The following NECTIN3 variants were observed in gnomAD, a reference collection of about 807,000 sequenced individuals.
NECTIN3 encodes the protein nectin cell adhesion molecule 3, also known as nectin-3.
A neutral mutation model predicts 49.4 loss-of-function variants in NECTIN3; 8 were observed. That is an observed-to-expected ratio of 0.16 (90% CI 0.10 to 0.29). The LOEUF (loss-of-function observed/expected upper bound fraction) is 0.29. NECTIN3 is among the 10% of genes least tolerant of loss of function. NECTIN3 has a pLI of 1.00. For synonymous variants in NECTIN3, 277 were observed against 241.1 expected (o/e 1.15, Z -1.38); for missense variants, 581 against 654.6 (o/e 0.89, Z 1.23).
chr3:111,107,168 C>A (rs1024895642), intron 1 of NECTIN3, among the ~76,000 whole-genome samples: 1 of 151,830 alleles, frequency 6.6e-6, no homozygotes, highest in Non-Finnish European at 1.5e-5. Flanking sequence ...ATTACATTTT[C>A]TTTTCTGTCA....
chr3:111,192,547 A>G, intron 1 of NECTIN3: 4 of 901,218 alleles, frequency 4.4e-6, no homozygotes, highest in Non-Finnish European at 6.6e-6. Context: ...AAGATCTGGT[A>G]GTCCTTGAAT....
chr3:111,103,012 C>G (rs539949028), intron 1 of NECTIN3, among the ~76,000 whole-genome samples: 33 of 152,258 alleles, frequency 2.2e-4, no homozygotes, highest in African/African-American at 7.2e-4. Flanking sequence ...ACTGACCTGT[C>G]TATTCTTTAG....
rs1483291330 is a variant in NECTIN3 at position 111,134,480 on chromosome 3, G to T, written c.*265G>T. On this transcript the variant is annotated 3_prime_UTR_variant, in exon 6 of 6. Coordinates refer to ENST00000485303, the MANE Select transcript of NECTIN3 (RefSeq NM_015480.3). ...TACTTTATTGGTGTGAGGCACACAG[G>T]TAAGAAGAAATGTCAACATTAAATG... 1 of 1,081,138 alleles carries T rather than the reference G, an allele frequency of 9.2e-7. No homozygotes were observed. 67.0% of individuals were successfully genotyped at this position (1,081,138 alleles called of 1,614,324 possible).
upstream of NECTIN3, among the ~76,000 whole-genome samples, chr3:111,189,463 T>A (rs1352458576): frequency 1.3e-5 from 2 of 151,910 alleles, no homozygotes; most frequent in African/African-American, 4.8e-5. Context: ...GATACCACTT[T>A]AAAAAAAATG....
At chr3:111,153,769 G>A (rs1307679454) in intron 7 of NECTIN3, among the ~76,000 whole-genome samples, 2 of 151,874 alleles carry the variant, frequency 1.3e-5, no homozygotes, top group African/African-American at 4.8e-5. Flanking sequence ...AATGAAACTA[G>A]AATATATGGA....
chr3:111,087,687 A>T (rs1368145241), intron 1 of NECTIN3, among the ~76,000 whole-genome samples: 2 of 151,872 alleles, frequency 1.3e-5, no homozygotes, highest in African/African-American at 4.8e-5. Flanking sequence ...CCTTTTAAAA[A>T]TTTAATTTTT....
At chr3:111,093,208 T>C (rs985333503) in intron 1 of NECTIN3, among the ~76,000 whole-genome samples, 3 of 152,080 alleles carry the variant, frequency 2.0e-5, no homozygotes, top group African/African-American at 7.2e-5. Flanking sequence ...ATCTTTTCAG[T>C]CCCCTCTCCC....
chr3:111,073,938 A>G (rs1251283584), intron 1 of NECTIN3, among the ~76,000 whole-genome samples: 4 of 151,108 alleles, frequency 2.6e-5, no homozygotes, highest in African/African-American at 7.2e-5. Flanking sequence ...TCAATGTAGC[A>G]TTGGAAGGAC....
At chr3:111,086,179 A>G (rs1398370467) in intron 1 of NECTIN3, among the ~76,000 whole-genome samples, 1 of 151,968 alleles carries the variant, frequency 6.6e-6, no homozygotes, top group Non-Finnish European at 1.5e-5. Flanking sequence ...AATTGTTTAT[A>G]TTTGCTAAAT....
intron 7 of NECTIN3, among the ~76,000 whole-genome samples, chr3:111,181,851 G>A (rs2035632183): frequency 6.6e-6 from 1 of 151,824 alleles, no homozygotes; most frequent in Admixed American, 6.6e-5. Context: ...CATTGTTTGT[G>A]TGTTTGTTTT....
chr3:111,138,997 A>AT (rs1433856381), downstream of NECTIN3, among the ~76,000 whole-genome samples: 2 of 151,654 alleles, frequency 1.3e-5, no homozygotes, highest in Non-Finnish European at 3.0e-5. Context: ...ATTATGGAAA[A>AT]TTATACAAAA....
chr3:111,119,092 C>A, intron 3 of NECTIN3, 140 bp downstream of exon 3: 1 of 822,120 alleles, frequency 1.2e-6, no homozygotes, highest in Non-Finnish European at 1.8e-6. Flanking sequence ...TTCATTTAAC[C>A]AGAACATTTT....
chr3:111,146,358 C>T (rs1163008843), intron 6 of NECTIN3, among the ~76,000 whole-genome samples: 1 of 147,888 alleles, frequency 6.8e-6, no homozygotes, highest in Admixed American at 6.8e-5. Flanking sequence ...GGCGTGAACC[C>T]GGGAGGCGGA....
chr3:111,181,599 T>C (rs1440692285), intron 7 of NECTIN3, among the ~76,000 whole-genome samples: 2 of 152,120 alleles, frequency 1.3e-5, no homozygotes, highest in Admixed American at 6.6e-5. Context: ...CTGGAGTTTC[T>C]TTGTGGAAGG....
Position 111,135,439 on chromosome 3 carries a change from C to T in NECTIN3, c.*1224C>T. 1 of 934,650 alleles carries T rather than the reference C, an allele frequency of 1.1e-6. No homozygotes were observed. The highest frequency in any genetic ancestry group is 1.3e-6 in the Non-Finnish European group (1 of 784,068). The allele number at this position is 934,650 out of a possible 1,614,324, so 57.9% of individuals were successfully genotyped here. Reference sequence around the variant, plus strand: ...CATATATTCCTTCTGAATCATTTATCTTTTGAGAAAGAAATGTTACCTAAA... The same window carrying T: ...CATATATTCCTTCTGAATCATTTATTTTTTGAGAAAGAAATGTTACCTAAA... On this transcript the variant is annotated 3_prime_UTR_variant, in exon 6 of 6. Coordinates refer to ENST00000485303, the MANE Select transcript of NECTIN3 (RefSeq NM_015480.3).
chr3:111,144,996 G>T, exon 6 of NECTIN3: 1 of 1,536,474 alleles, frequency 6.5e-7, no homozygotes, highest in Non-Finnish European at 8.7e-7. Flanking sequence ...TGACTGTGCT[G>T]CTGACTCCTC....
intron 6 of NECTIN3, among the ~76,000 whole-genome samples, chr3:111,146,509 T>C (rs1171505013): frequency 1.3e-5 from 2 of 152,118 alleles, no homozygotes; most frequent in African/African-American, 2.4e-5. Context: ...TTCTATAATT[T>C]CAAAAACAAT....
At chr3:111,096,452 A>G (rs995901982) in intron 1 of NECTIN3, among the ~76,000 whole-genome samples, 2 of 152,232 alleles carry the variant, frequency 1.3e-5, no homozygotes, top group Non-Finnish European at 2.9e-5. Context: ...GAGAAATTCA[A>G]GCTGGCTGCA....
chr3:111,162,572 T>A (rs1273806562), intron 7 of NECTIN3, among the ~76,000 whole-genome samples: 5 of 152,210 alleles, frequency 3.3e-5, no homozygotes, highest in African/African-American at 9.6e-5. Flanking sequence ...TCTCAGGCAG[T>A]CCTTTATAGC....
Sources: gnomAD v4.1 joint callset for allele counts (sites outside exome capture counted in the v4.1 genomes callset) on GRCh38, gnomAD v4.1.1 for gene constraint, MANE v1.5 for transcripts, NCBI Gene and HGNC (gene_info 2026-07-23, HGNC 2026-07-21) for gene names.